The following KHDRBS2 variants were observed in gnomAD, a reference collection of about 807,000 sequenced individuals.
KHDRBS2 encodes the protein KH domain-containing, RNA-binding, signal transduction-associated protein 2.
KHDRBS2 carries 26 observed loss-of-function variants against 44.3 expected under a neutral mutation model. The ratio of observed to expected loss-of-function variants is 0.59; its 90% CI spans 0.43 to 0.81. The LOEUF (loss-of-function observed/expected upper bound fraction) is 0.81, where lower values mean the gene tolerates loss of function less well. Ranked by LOEUF, KHDRBS2 falls within the 40% of genes least tolerant of loss-of-function variation. The probability of loss-of-function intolerance (pLI) is 0.00; values close to 1 mark genes in which losing one functional copy is unlikely to be tolerated. For synonymous variants in KHDRBS2, 194 were observed against 151.1 expected (o/e 1.28, Z -2.08); for missense variants, 476 against 433.1 (o/e 1.10, Z -0.88).
the KHDRBS2 span, among the ~76,000 whole-genome samples, chr6:61,549,214 A>T: frequency 2.6e-5 from 4 of 152,176 alleles, no homozygotes; most frequent in Admixed American, 2.6e-4. Context: ...TAAGAAAAAA[A>T]TACAAAAATA....
chr6:62,036,434 T>C (rs1437620324), intron 3 of KHDRBS2, among the ~76,000 whole-genome samples: 1 of 151,888 alleles, frequency 6.6e-6, no homozygotes, highest in Non-Finnish European at 1.5e-5. Context: ...AAACTACTTA[T>C]CGGACACTAT....
chr6:62,280,906 G>A (rs1193831911), intron 1 of KHDRBS2, among the ~76,000 whole-genome samples: 1 of 152,174 alleles, frequency 6.6e-6, no homozygotes, highest in Non-Finnish European at 1.5e-5. Flanking sequence ...TTCTGGGAAT[G>A]AAAGACAATG....
intron 6 of KHDRBS2, among the ~76,000 whole-genome samples, chr6:61,809,596 C>T (rs1314300287): frequency 6.6e-6 from 1 of 152,108 alleles, no homozygotes; most frequent in Non-Finnish European, 1.5e-5. Context: ...TTTATTGATA[C>T]TTGAACTAAT....
intron 3 of KHDRBS2, among the ~76,000 whole-genome samples, chr6:62,043,145 G>T (rs1040053045): frequency 1.3e-5 from 2 of 151,978 alleles, no homozygotes; most frequent in Admixed American, 1.3e-4. Flanking sequence ...TTCTTGGAGA[G>T]AATATGTTTA....
intron 3 of KHDRBS2, among the ~76,000 whole-genome samples, chr6:62,036,857 T>G (rs2127296473): frequency 6.6e-6 from 1 of 152,146 alleles, no homozygotes; most frequent in African/African-American, 2.4e-5. Flanking sequence ...TCTTTAGGTT[T>G]TCTGCCAGCT....
chr6:61,765,633 T>C (rs1035666316), intron 6 of KHDRBS2, among the ~76,000 whole-genome samples: 12 of 152,154 alleles, frequency 7.9e-5, no homozygotes, highest in Admixed American at 7.9e-4. Context: ...CTGTTATATA[T>C]GGCCTTTATC....
At chr6:62,079,126 T>A (rs1400849171) in intron 2 of KHDRBS2, among the ~76,000 whole-genome samples, 1 of 152,014 alleles carries the variant, frequency 6.6e-6, no homozygotes, top group Non-Finnish European at 1.5e-5. Flanking sequence ...GATCCATAAC[T>A]AACTGTCTGC....
intron 7 of KHDRBS2, among the ~76,000 whole-genome samples, chr6:61,711,972 G>T (rs1770580502): frequency 6.6e-6 from 1 of 151,728 alleles, no homozygotes; most frequent in East Asian, 1.9e-4. Flanking sequence ...GCTGATCTAG[G>T]CTGGGCTTCC....
intron 1 of KHDRBS2, among the ~76,000 whole-genome samples, chr6:62,240,670 G>GTA (rs1293352466): frequency 8.6e-4 from 54 of 62,512 alleles, no homozygotes; most frequent in African/African-American, 2.7e-3. Context: ...GTATGTGTGT[G>GTA]TGTATATATA....
intron 2 of KHDRBS2, among the ~76,000 whole-genome samples, chr6:62,062,904 A>G (rs1360920066): frequency 2.7e-5 from 4 of 149,628 alleles, no homozygotes; most frequent in Non-Finnish European, 4.5e-5. Context: ...AGAAAAAAAG[A>G]GAGAAGAATC....
intron 4 of KHDRBS2, among the ~76,000 whole-genome samples, chr6:61,963,071 T>C (rs1181767897): frequency 6.6e-6 from 1 of 152,080 alleles, no homozygotes; most frequent in Admixed American, 6.6e-5. Context: ...CTGGTTGCTA[T>C]TTAATAGTGA....
At chr6:62,034,625 G>T (rs527921646) in intron 3 of KHDRBS2, among the ~76,000 whole-genome samples, 1 of 135,474 alleles carries the variant, frequency 7.4e-6, no homozygotes, top group Non-Finnish European at 1.6e-5. Flanking sequence ...CAAAAATTGT[G>T]TATAGAAGAA....
chr6:62,210,956 A>G (rs550705215), intron 1 of KHDRBS2, among the ~76,000 whole-genome samples: 9 of 152,290 alleles, frequency 5.9e-5, no homozygotes, highest in African/African-American at 2.2e-4. Flanking sequence ...AAAAAATGAA[A>G]TAAAGCTATC....
chr6:62,109,328 A>C (rs936672263), intron 2 of KHDRBS2, among the ~76,000 whole-genome samples: 1 of 152,082 alleles, frequency 6.6e-6, no homozygotes, highest in Non-Finnish European at 1.5e-5. Flanking sequence ...TTTCCAATCT[A>C]GAAAAAATGA....
chr6:61,799,236 T>C (rs991510726), intron 6 of KHDRBS2, among the ~76,000 whole-genome samples: 5 of 152,042 alleles, frequency 3.3e-5, no homozygotes, highest in African/African-American at 1.2e-4. Flanking sequence ...ATAAGCTACA[T>C]AAGCGCCTTT....
the KHDRBS2 span, among the ~76,000 whole-genome samples, chr6:61,662,580 G>A: frequency 2.0e-5 from 3 of 152,124 alleles, no homozygotes; most frequent in Admixed American, 6.6e-5. Context: ...CCATCAACAA[G>A]TGGGTGAAGG....
In KHDRBS2 at chr6:61,945,099, AAAAAAAAAAAAAAG is replaced by A. The variant is rs1403674180; in HGVS notation, c.483+32953_483+32966del. Reference sequence around the variant, plus strand: ...GAGTGAGACTCTGTCTTAAAAAAAAAAAAAAAAAAAAAAGTATATATATATATATATATATATAT... The same window carrying A: ...GAGTGAGACTCTGTCTTAAAAAAAAATATATATATATATATATATATATAT... On this transcript the variant is annotated intron_variant, in intron 4 of 8. Transcript: ENST00000281156. Among the ~76,000 whole-genome samples, 275 of 67,770 alleles carry A rather than the reference AAAAAAAAAAAAAAG, an allele frequency of 4.1e-3. 1 individual carries two copies. Among genetic ancestry groups the A allele is most frequent in the Middle Eastern group, 0.021 (3 of 146 alleles). 44.5% of individuals were successfully genotyped at this position (67,770 alleles called of 152,430 possible).
At chr6:62,159,629 AC>A (rs1817205743) in intron 2 of KHDRBS2, among the ~76,000 whole-genome samples, 1 of 152,012 alleles carries the variant, frequency 6.6e-6, no homozygotes, top group South Asian at 2.1e-4. Context: ...TCCACATATA[AC>A]TTTTGACTCC....
intron 6 of KHDRBS2, among the ~76,000 whole-genome samples, chr6:61,761,906 T>C (rs1462394806): frequency 4.6e-5 from 7 of 152,216 alleles, no homozygotes; most frequent in Non-Finnish European, 8.8e-5. Context: ...CTGTAATATC[T>C]GTTATTACTA....
Sources: gnomAD v4.1 joint callset for allele counts (sites outside exome capture counted in the v4.1 genomes callset) on GRCh38, gnomAD v4.1.1 for gene constraint, MANE v1.5 for transcripts, NCBI Gene and HGNC (gene_info 2026-07-23, HGNC 2026-07-21) for gene names.